GRIK3: variants seen among roughly 807,000 people sequenced by gnomAD.
GRIK3 encodes the protein glutamate receptor ionotropic, kainate 3.
A neutral mutation model predicts 102.5 loss-of-function variants in GRIK3; 29 were observed. The ratio of observed to expected loss-of-function variants is 0.28; its 90% confidence interval spans 0.21 to 0.39. The LOEUF is 0.39. Ranked by LOEUF, GRIK3 falls within the 10% of genes least tolerant of loss-of-function variation. The probability of loss-of-function intolerance (pLI) is 1.00; values close to 1 mark genes in which losing one functional copy is unlikely to be tolerated. For missense variants in GRIK3, 908 were observed against 1,252.4 expected (o/e 0.73, Z 4.15); for synonymous variants, 511 against 504.9 (o/e 1.01, Z -0.16).
chr1:36,826,339 G>T (rs987633625), intron 10 of GRIK3, among the ~76,000 whole-genome samples: 1 of 152,174 alleles, frequency 6.6e-6, no homozygotes, highest in African/African-American at 2.4e-5. Flanking sequence ...CCCTCCAAAT[G>T]CAAGTTGGGC....
In GRIK3 at chr1:36,819,978, G is replaced by A. The variant is rs1042622958; in HGVS notation, c.1755-124C>T. On this transcript the variant is annotated intron_variant, in intron 11 of 15. Transcript: ENST00000373091. This position sits in a 1 kb window ranked among gnomAD's most constrained non-coding sequence, Gnocchi z 4.1. ...GCGTCAATATCCTCATGGTTCTGCT[G>A]GGAGGCAGGGCAGGGGAATTTCTTC... 15 of 629,444 alleles carry A rather than the reference G, an allele frequency of 2.4e-5. No individual in the cohort carries two copies. The highest frequency in any genetic ancestry group is 1.5e-4 in the Admixed American group (6 of 39,910). 39.0% of individuals were successfully genotyped at this position (629,444 alleles called of 1,614,324 possible).
At chr1:36,842,355 C>T (rs1037161793) in intron 9 of GRIK3, among the ~76,000 whole-genome samples, 7 of 152,168 alleles carry the variant, frequency 4.6e-5, no homozygotes, top group African/African-American at 1.4e-4. Context: ...AGGCCCCACC[C>T]CAGACCTAAC....
chr1:36,947,417 T>C (rs1641796207), intron 1 of GRIK3, among the ~76,000 whole-genome samples: 1 of 152,118 alleles, frequency 6.6e-6, no homozygotes, highest in African/African-American at 2.4e-5. Context: ...CCTGCAGCTC[T>C]CATCCCATCC....
intron 1 of GRIK3, among the ~76,000 whole-genome samples, chr1:37,017,022 C>A (rs2124068327): frequency 6.6e-6 from 1 of 152,078 alleles, no homozygotes; most frequent in South Asian, 2.1e-4. Flanking sequence ...TAAGACCAAC[C>A]TAGCCAACAT....
chr1:36,880,658 T>G lies in GRIK3; in HGVS notation c.526A>C (p.Thr176Pro), dbSNP rs145332145. Residue 176 changes from threonine to proline, a missense_variant, in exon 3 of 16, where the codon ACC becomes CCC. Coordinates refer to ENST00000373091, the MANE Select transcript of GRIK3 (RefSeq NM_000831.4). This position sits in a 1 kb window ranked among gnomAD's most constrained non-coding sequence, Gnocchi z 5.4. Reference sequence around the variant, plus strand: ...CCTGTACTGTCGTCATAGACCACGGTGGCTGACCGCCACTTGAGGTACTGG... The same window carrying G: ...CCTGTACTGTCGTCATAGACCACGGGGGCTGACCGCCACTTGAGGTACTGG... ...LVQYLKWRSA[T>P]VVYDDSTGLI... 6.2e-7 allele frequency: 1 copy of G among 1,614,074 alleles called. No homozygotes were observed. The highest frequency in any genetic ancestry group is 8.5e-7 in the Non-Finnish European group (1 of 1,179,988).
At chr1:36,860,478 A>G (rs1186849990) in intron 5 of GRIK3, among the ~76,000 whole-genome samples, 1 of 152,212 alleles carries the variant, frequency 6.6e-6, no homozygotes, top group Non-Finnish European at 1.5e-5. Flanking sequence ...TTTTCTGCCT[A>G]GGACTCAAAA....
intron 1 of GRIK3, among the ~76,000 whole-genome samples, chr1:36,991,114 C>T (rs1016160848): frequency 3.9e-5 from 6 of 152,160 alleles, no homozygotes; most frequent in Non-Finnish European, 7.3e-5. Context: ...TGCTGTGTGA[C>T]CTCAGGCAAA....
In GRIK3 at chr1:36,885,591, G is replaced by C. The variant is rs144527476; in HGVS notation, c.293-4700C>G. On this transcript the variant is annotated intron_variant, in intron 2 of 15. Coordinates refer to ENST00000373091, the MANE Select transcript of GRIK3 (RefSeq NM_000831.4). ...TTGCATAGCAGGAAGCATCAGTCCT[G>C]GCCTTCACCTATTGCTTTTCCCTGG... Among the ~76,000 whole-genome samples, 908 of 152,222 alleles carry C rather than the reference G, an allele frequency of 6.0e-3. 10 individuals are homozygous for C. Among genetic ancestry groups the C allele is most frequent in the Middle Eastern group, 0.014 (4 of 294 alleles).
At position 36,819,947 on chromosome 1, in the gene GRIK3, G is replaced by C; in HGVS notation, c.1755-93C>G. ...TTTAGCAAACACAGCTGTGCCAGCCGCCTCAGCGTCAATATCCTCATGGTT... is the reference window on the plus strand; with the variant it reads ...TTTAGCAAACACAGCTGTGCCAGCCCCCTCAGCGTCAATATCCTCATGGTT... On this transcript the variant is annotated intron_variant, in intron 11 of 15. Coordinates refer to ENST00000373091, the MANE Select transcript of GRIK3 (RefSeq NM_000831.4). The surrounding 1 kb of genome is among the most constrained non-coding windows in gnomAD (Gnocchi z 4.1). 2.8e-6 allele frequency: 2 copies of C among 707,320 alleles called. No homozygotes were observed. The highest frequency in any genetic ancestry group is 5.2e-6 in the Non-Finnish European group (2 of 384,842). 43.8% of individuals were successfully genotyped at this position (707,320 alleles called of 1,614,324 possible). A position where few individuals can be genotyped will look rare whatever the true frequency, so the allele number is the denominator to read the frequency against.
chr1:36,799,473 GC>G lies in GRIK3; in HGVS notation c.*2377del, dbSNP rs1378530882. 1 of 152,356 alleles carries G rather than the reference GC, an allele frequency of 6.6e-6. No individual in the cohort carries two copies. Among genetic ancestry groups the G allele is most frequent in the Non-Finnish European group, 1.5e-5 (1 of 68,162 alleles). 9.4% of individuals were successfully genotyped at this position (152,356 alleles called of 1,614,324 possible). A position where few individuals can be genotyped will look rare whatever the true frequency, so the allele number is the denominator to read the frequency against. ...TGGCCTTCCCCCCGCTCCCCACTGT[GC>G]ACACATGCCTGTACACATGTGTTCA... On this transcript the variant is annotated 3_prime_UTR_variant, in exon 16 of 16. Transcript: ENST00000373091.
intron 1 of GRIK3, among the ~76,000 whole-genome samples, chr1:37,009,621 C>G (rs1361130941): frequency 6.6e-6 from 1 of 152,030 alleles, no homozygotes; most frequent in Non-Finnish European, 1.5e-5. Flanking sequence ...TGTGTGTGGT[C>G]CATTCGTGGG....
chr1:37,023,224 G>C (rs992462118), intron 1 of GRIK3, among the ~76,000 whole-genome samples: 1 of 151,952 alleles, frequency 6.6e-6, no homozygotes, highest in Admixed American at 6.6e-5. Flanking sequence ...CTACTTGGGA[G>C]GCTGAGGCAG....
intron 10 of GRIK3, 85 bp downstream of exon 10, chr1:36,841,651 A>AGGG: frequency 8.4e-7 from 1 of 1,196,142 alleles, no homozygotes; most frequent in South Asian, 1.2e-5. Context: ...TTTTTCTGCC[A>AGGG]GGCTGCCCAG....
At chr1:36,920,990 C>T (rs1015738852) in intron 1 of GRIK3, among the ~76,000 whole-genome samples, 2 of 152,164 alleles carry the variant, frequency 1.3e-5, no homozygotes, top group African/African-American at 4.8e-5. Context: ...GTGGGAATCA[C>T]CCTCTGCTGG....
At position 37,034,028 on chromosome 1, in the gene GRIK3, C is replaced by A; in HGVS notation, c.81G>T (p.Pro27=). The change falls in exon 1 of 16, where the codon CCG becomes CCT. Residue 27 remains proline (P), a synonymous_variant. Transcript: ENST00000373091. The part of the protein sequence containing the change: ...AGLLVCAFWI[P]DSRGMPHVIR... ...TGACGTGGGGCATCCCGCGCGAGTC[C>A]GGGATCCAGAAGGCGCACACGAGGA... 6.2e-7 allele frequency: 1 copy of A among 1,605,342 alleles called. No homozygotes were observed. The highest frequency in any genetic ancestry group is 1.3e-5 in the African/African-American group (1 of 74,442).
chr1:37,031,209 C>T (rs1176337997), intron 1 of GRIK3, among the ~76,000 whole-genome samples: 1 of 152,198 alleles, frequency 6.6e-6, no homozygotes, highest in African/African-American at 2.4e-5. Flanking sequence ...TAGAATACAT[C>T]TTCCACATAT....
intron 1 of GRIK3, among the ~76,000 whole-genome samples, chr1:37,023,756 AC>A (rs1164676945): frequency 6.6e-6 from 1 of 152,188 alleles, no homozygotes; most frequent in Non-Finnish European, 1.5e-5. Context: ...GTGATTCCCA[AC>A]CCCAACCATA....
intron 1 of GRIK3, among the ~76,000 whole-genome samples, chr1:36,922,917 G>A (rs1271611231): frequency 6.6e-6 from 1 of 152,176 alleles, no homozygotes; most frequent in Non-Finnish European, 1.5e-5. Flanking sequence ...GCCCTTGTCT[G>A]GAGCCTGGGG....
At chr1:36,873,861 T>C (rs2124255721) in intron 3 of GRIK3, among the ~76,000 whole-genome samples, 1 of 152,270 alleles carries the variant, frequency 6.6e-6, no homozygotes, top group African/African-American at 2.4e-5. Context: ...AAACACTCCC[T>C]TTTTCACTCA....
Sources: allele counts gnomAD v4.1 joint callset (sites outside exome capture counted in the v4.1 genomes callset), GRCh38; gene constraint gnomAD v4.1.1; non-coding constraint Gnocchi (gnomAD v3.1); transcripts MANE v1.5; gene names NCBI Gene and HGNC (gene_info 2026-07-23, HGNC 2026-07-21).